OSBP2: variants seen among roughly 807,000 people sequenced by gnomAD.
OSBP2 encodes the protein oxysterol binding protein 2.
OSBP2 carries 66 observed loss-of-function variants against 96.0 expected under a neutral mutation model. The ratio of observed to expected loss-of-function variants is 0.69; its 90% CI spans 0.56 to 0.84. The LOEUF (loss-of-function observed/expected upper bound fraction) is 0.84. Among genes scored for constraint, OSBP2 ranks in the 40% least tolerant of loss-of-function variants. The pLI is 0.00. For missense variants in OSBP2, 1,038 were observed against 1,222.7 expected (o/e 0.85, Z 2.25); for synonymous variants, 525 against 520.9 (o/e 1.01, Z -0.11).
intron 3 of OSBP2, among the ~76,000 whole-genome samples, chr22:30,887,199 G>A (rs940513580): frequency 5.3e-5 from 8 of 152,114 alleles, no homozygotes; most frequent in Admixed American, 1.3e-4. Flanking sequence ...GGTTTTGGCC[G>A]GCTCCTTTAC....
intron 2 of OSBP2, among the ~76,000 whole-genome samples, chr22:30,793,367 GAA>G (rs1474702010): frequency 1.3e-5 from 2 of 151,712 alleles, no homozygotes; most frequent in Non-Finnish European, 2.9e-5. Flanking sequence ...TCCAGCCTGG[GAA>G]AAAAGAGGAT....
chr22:30,831,105 C>T (rs1293081745), intron 2 of OSBP2, among the ~76,000 whole-genome samples: 1 of 152,182 alleles, frequency 6.6e-6, no homozygotes, highest in Non-Finnish European at 1.5e-5. Flanking sequence ...GCCAAGAATG[C>T]AATCGCTGAG....
At chr22:30,857,466 G>A (rs12170200) in intron 2 of OSBP2, among the ~76,000 whole-genome samples, 8,174 of 152,314 alleles carry the variant, frequency 0.054, 246 homozygotes, top group Non-Finnish European at 0.061. Context: ...AGTCGCGACC[G>A]ATATGGGACA....
intron 2 of OSBP2, among the ~76,000 whole-genome samples, chr22:30,765,082 C>G (rs2090253983): frequency 6.6e-6 from 1 of 152,072 alleles, no homozygotes; most frequent in African/African-American, 2.4e-5. Flanking sequence ...TTTATAGAGA[C>G]AGGGCCTCAC....
intron 1 of OSBP2, among the ~76,000 whole-genome samples, chr22:30,719,812 G>T (rs1458749013): frequency 6.6e-6 from 1 of 150,702 alleles, no homozygotes; most frequent in Non-Finnish European, 1.5e-5. Context: ...CTTGAGGCCA[G>T]GAGTTCAAGA....
chr22:30,872,638 A>AACCTGCTGGTGTTAGCCTGCCAT, intron 3 of OSBP2: 1 of 351,854 alleles, frequency 2.8e-6, no homozygotes, highest in South Asian at 2.2e-5. Flanking sequence ...GGTTCTGCCA[A>AACCTGCTGGTGTTAGCCTGCCAT]ACCTGCTGGT....
intron 2 of OSBP2, chr22:30,822,516 G>C: frequency 7.3e-7 from 1 of 1,371,196 alleles, no homozygotes; most frequent in Admixed American, 3.2e-5. Flanking sequence ...CGGGACCCAC[G>C]AGTGTCCGCC....
chr22:30,867,887 C>T (rs1257020288), intron 2 of OSBP2, among the ~76,000 whole-genome samples: 1 of 152,270 alleles, frequency 6.6e-6, no homozygotes, highest in African/African-American at 2.4e-5. Context: ...CCCCTCAAGG[C>T]CCTCCCCGTG....
At chr22:30,765,829 C>T (rs1229852200) in intron 2 of OSBP2, among the ~76,000 whole-genome samples, 1 of 152,168 alleles carries the variant, frequency 6.6e-6, no homozygotes, top group Non-Finnish European at 1.5e-5. Flanking sequence ...CTAAGAAAAC[C>T]ACTTCTGTCT....
At chr22:30,858,134 TGTTTGTTTGTTTG>T (rs1569152882) in intron 2 of OSBP2, among the ~76,000 whole-genome samples, 1,031 of 99,962 alleles carry the variant, frequency 0.01, 57 homozygotes, top group African/African-American at 0.033. Flanking sequence ...TTTTTTTGTT[TGTTTGTTTGTTTG>T]TTTGTTTTTT....
At chr22:30,857,802 A>G (rs1000413364) in intron 2 of OSBP2, among the ~76,000 whole-genome samples, 2 of 152,218 alleles carry the variant, frequency 1.3e-5, no homozygotes, top group Admixed American at 1.3e-4. Context: ...GGAGTAAACT[A>G]AGGAGGCCCC....
intron 1 of OSBP2, among the ~76,000 whole-genome samples, chr22:30,715,041 A>C (rs1353812652): frequency 6.7e-6 from 1 of 150,022 alleles, no homozygotes; most frequent in Non-Finnish European, 1.5e-5. Flanking sequence ...TTACATTCCC[A>C]CTGAAAATGT....
chr22:30,895,571 A>C (rs1162653727), intron 12 of OSBP2, among the ~76,000 whole-genome samples: 1 of 152,186 alleles, frequency 6.6e-6, no homozygotes, highest in Non-Finnish European at 1.5e-5. Flanking sequence ...ATCTAGTCAA[A>C]CTGACATTCA....
At chr22:30,702,159 G>A (rs1436556746) in intron 1 of OSBP2, among the ~76,000 whole-genome samples, 1 of 151,992 alleles carries the variant, frequency 6.6e-6, no homozygotes, top group Non-Finnish European at 1.5e-5. Flanking sequence ...ATCTCCTCTA[G>A]CTCCTCCTCT....
At chr22:30,873,721 C>G (rs17820384) in intron 3 of OSBP2, among the ~76,000 whole-genome samples, 49,593 of 152,060 alleles carry the variant, frequency 0.33, 9,204 homozygotes, top group African/African-American at 0.49. Flanking sequence ...CCCTCTTCCT[C>G]GTGAAATGCT....
intron 2 of OSBP2, among the ~76,000 whole-genome samples, chr22:30,855,411 G>A (rs2039060471): frequency 6.6e-6 from 1 of 152,148 alleles, no homozygotes; most frequent in Non-Finnish European, 1.5e-5. Context: ...ATGTTAAAGG[G>A]GGCCAGAAGG....
chr22:30,794,815 AC>A, intron 2 of OSBP2, among the ~76,000 whole-genome samples: 1 of 151,188 alleles, frequency 6.6e-6, no homozygotes, highest in African/African-American at 2.4e-5. Flanking sequence ...AATTCCCGTT[AC>A]TTTTCGTATT....
Position 30,720,698 on chromosome 22 carries a change from T to C in OSBP2, c.645-20463T>C, listed in dbSNP as rs528121630. On this transcript the variant is annotated intron_variant, in intron 1 of 13. Transcript: ENST00000332585. The stretch of plus-strand genomic sequence containing the variant: ...AAAGGGAAGTACTTGGCAAACTGTT[T>C]CATAAGTGTAAGGGATATTTTTTAA... Among the ~76,000 whole-genome samples the C allele has an allele frequency of 3.9e-5, 6 of 152,332 alleles. No individual in the cohort carries two copies. The South Asian group carries it at 1.0e-3, about 26-fold the overall frequency.
At chr22:30,785,488 A>G (rs920796277) in intron 2 of OSBP2, among the ~76,000 whole-genome samples, 2 of 151,438 alleles carry the variant, frequency 1.3e-5, no homozygotes, top group Admixed American at 6.6e-5. Context: ...AATCACTTGA[A>G]TCCAGGAGGT....
Sources: allele counts gnomAD v4.1 joint callset (sites outside exome capture counted in the v4.1 genomes callset), GRCh38; gene constraint gnomAD v4.1.1; transcripts MANE v1.5; gene names NCBI Gene and HGNC (gene_info 2026-07-23, HGNC 2026-07-21).